The following NPSR1 variants were observed in gnomAD, a reference collection of about 807,000 sequenced individuals.
The protein encoded by NPSR1 is neuropeptide S receptor.
In NPSR1, 48 loss-of-function variants were observed where a neutral mutation model predicts 46.9. The observed-to-expected ratio is 1.02, with a 90% confidence interval of 0.81 to 1.30. The LOEUF is 1.30. Among genes scored for constraint, NPSR1 ranks in the 50% most tolerant of loss-of-function variants. NPSR1 has a pLI of 0.00. For synonymous variants in NPSR1, 176 were observed against 168.1 expected (o/e 1.05, Z -0.36); for missense variants, 450 against 449.5 (o/e 1.00, Z -0.01).
At chr7:34,784,168 C>A (rs1220505758) in intron 3 of NPSR1, among the ~76,000 whole-genome samples, 1 of 152,260 alleles carries the variant, frequency 6.6e-6, no homozygotes, top group South Asian at 2.1e-4. Flanking sequence ...AATTGAATAC[C>A]CTTCATTTCC....
chr7:34,763,302 C>T (rs556126968), intron 2 of NPSR1, among the ~76,000 whole-genome samples: 11 of 152,086 alleles, frequency 7.2e-5, no homozygotes, highest in South Asian at 2.1e-4. Flanking sequence ...CTTCATTGAA[C>T]GAGATGATTA....
At chr7:34,688,778 C>T (rs1793068221) in intron 2 of NPSR1, among the ~76,000 whole-genome samples, 1 of 152,190 alleles carries the variant, frequency 6.6e-6, no homozygotes, top group South Asian at 2.1e-4. Flanking sequence ...AGTGGTCTCT[C>T]TCCACCTTGC....
rs552507332 is a variant in NPSR1, at chr7:34,833,753, G to A, written c.681-631G>A. Among the ~76,000 whole-genome samples, 17 of 152,334 alleles carry A rather than the reference G, an allele frequency of 1.1e-4. No homozygotes were observed. In the South Asian group the frequency reaches 3.3e-3, roughly 30 times the overall value. On this transcript the variant is annotated intron_variant, in intron 5 of 8. Coordinates refer to ENST00000360581, the MANE Select transcript of NPSR1 (RefSeq NM_207172.2). The stretch of plus-strand genomic sequence containing the variant: ...CCAGGGCAGGGGTCATCAGAGGCTG[G>A]ACTGGGAGAGGCTCTTTTCCAAGCT...
chr7:34,828,339 C>T (rs920023413), intron 5 of NPSR1, among the ~76,000 whole-genome samples: 1 of 152,174 alleles, frequency 6.6e-6, no homozygotes, highest in Non-Finnish European at 1.5e-5. Context: ...CTGGGGGAGG[C>T]TCAGTTGTGA....
At chr7:34,863,856 C>T (rs1791244705) in intron 8 of NPSR1, among the ~76,000 whole-genome samples, 1 of 151,590 alleles carries the variant, frequency 6.6e-6, no homozygotes, top group Non-Finnish European at 1.5e-5. Flanking sequence ...ACCATTTGAC[C>T]CAGCAATCCC....
intron 1 of NPSR1, among the ~76,000 whole-genome samples, chr7:34,665,955 A>G (rs1349132824): frequency 2.0e-5 from 3 of 152,238 alleles, no homozygotes; most frequent in Non-Finnish European, 4.4e-5. Flanking sequence ...ACTGACACAC[A>G]GCAGATAAAA....
intron 3 of NPSR1, among the ~76,000 whole-genome samples, chr7:34,789,431 G>A (rs1787616608): frequency 1.3e-5 from 2 of 151,856 alleles, no homozygotes; most frequent in African/African-American, 4.8e-5. Flanking sequence ...AATAAAATTA[G>A]AAATGAAAGC....
chr7:34,681,885 C>A (rs534427733), intron 1 of NPSR1, among the ~76,000 whole-genome samples: 1 of 152,218 alleles, frequency 6.6e-6, no homozygotes, highest in East Asian at 1.9e-4. Context: ...ATATTTTGAG[C>A]CCACTCACTG....
At chr7:34,699,335 AAAAGTTAAAAAATT>A (rs1793702662) in intron 2 of NPSR1, among the ~76,000 whole-genome samples, 1 of 152,236 alleles carries the variant, frequency 6.6e-6, no homozygotes, top group African/African-American at 2.4e-5. Context: ...TTTTTAAATT[AAAAGTTAAAAAATT>A]AAATGATGTT....
intron 2 of NPSR1, among the ~76,000 whole-genome samples, chr7:34,722,877 GC>G (rs1225479358): frequency 6.6e-6 from 1 of 152,136 alleles, no homozygotes; most frequent in Non-Finnish European, 1.5e-5. Flanking sequence ...AAGAAATCAT[GC>G]CTCCTTTGAG....
chr7:34,791,903 T>A (rs1376477365), intron 3 of NPSR1, among the ~76,000 whole-genome samples: 1 of 152,114 alleles, frequency 6.6e-6, no homozygotes. Context: ...CATGTATGTA[T>A]GGTCCACTGA....
intron 1 of NPSR1, among the ~76,000 whole-genome samples, chr7:34,683,259 C>T (rs942877331): frequency 2.0e-5 from 3 of 151,832 alleles, no homozygotes; most frequent in Non-Finnish European, 4.4e-5. Context: ...CTGGCTAACA[C>T]GGTGAAACCC....
At chr7:34,710,213 G>C (rs1486059575) in intron 2 of NPSR1, among the ~76,000 whole-genome samples, 1 of 152,168 alleles carries the variant, frequency 6.6e-6, no homozygotes, top group Non-Finnish European at 1.5e-5. Context: ...GCCACCTTCT[G>C]ACCAAATCTG....
chr7:34,694,105 A>G (rs1487216594), intron 2 of NPSR1, among the ~76,000 whole-genome samples: 3 of 152,200 alleles, frequency 2.0e-5, no homozygotes, highest in Non-Finnish European at 2.9e-5. Context: ...GAGGATGTCC[A>G]CATTCACCAC....
At chr7:34,836,132 C>A (rs1004392367) in intron 6 of NPSR1, among the ~76,000 whole-genome samples, 1 of 152,106 alleles carries the variant, frequency 6.6e-6, no homozygotes, top group Admixed American at 6.5e-5. Flanking sequence ...CCATGCAGAT[C>A]CTAGTGCTTC....
chr7:34,810,230 T>A (rs1230920052), intron 3 of NPSR1, among the ~76,000 whole-genome samples: 1 of 152,226 alleles, frequency 6.6e-6, no homozygotes, highest in African/African-American at 2.4e-5. Flanking sequence ...CCCTCTGGAT[T>A]TGAACCTAAT....
chr7:34,665,797 C>G (rs1463033424), intron 1 of NPSR1, among the ~76,000 whole-genome samples: 2 of 152,082 alleles, frequency 1.3e-5, no homozygotes, highest in Non-Finnish European at 2.9e-5. Flanking sequence ...CCTACATACA[C>G]ACACACACAC....
intron 2 of NPSR1, among the ~76,000 whole-genome samples, chr7:34,729,542 T>C (rs988128510): frequency 6.6e-6 from 1 of 151,946 alleles, no homozygotes; most frequent in African/African-American, 2.4e-5. Context: ...ACTGAAAAAA[T>C]GAAATTATCA....
rs773858552 is a variant in NPSR1, at chr7:34,872,059, C to T, written c.1026-6017C>T. The stretch of plus-strand genomic sequence containing the variant: ...GTAGAGTTTCTCTGTTGGGGCTCCA[C>T]CCTGCAACAGGCTTCTGCCTGGGCA... On this transcript the variant is annotated intron_variant, in intron 8 of 8. Transcript: ENST00000359791. 5.7e-4 allele frequency among the ~76,000 whole-genome samples: 87 copies of T among 152,088 alleles called. 1 individual carries two copies. Among genetic ancestry groups the T allele is most frequent in the Non-Finnish European group, 9.4e-4 (64 of 68,040 alleles).
Sources: gnomAD v4.1 joint callset for allele counts (sites outside exome capture counted in the v4.1 genomes callset) on GRCh38, gnomAD v4.1.1 for gene constraint, MANE v1.5 for transcripts, NCBI Gene and HGNC (gene_info 2026-07-23, HGNC 2026-07-21) for gene names.